EPHA5: variants seen among roughly 807,000 people sequenced by gnomAD.
EPHA5 encodes EPH receptor A5.
A neutral mutation model predicts 105.0 loss-of-function variants in EPHA5; 60 were observed. That is an observed-to-expected ratio of 0.57 (90% confidence interval 0.46 to 0.71). EPHA5 has a LOEUF of 0.71. EPHA5 is among the 30% of genes least tolerant of loss of function. The pLI is 0.00. For synonymous variants in EPHA5, 513 were observed against 449.1 expected (o/e 1.14, Z -1.80); for missense variants, 1,218 against 1,274.7 (o/e 0.96, Z 0.68).
intron 3 of EPHA5, among the ~76,000 whole-genome samples, chr4:65,591,695 A>C (rs932630621): frequency 2.0e-5 from 3 of 152,070 alleles, no homozygotes; most frequent in African/African-American, 7.2e-5. Flanking sequence ...TAAGTCATGT[A>C]AATTATTTTA....
At chr4:65,334,643 T>C (rs1720997022) in intron 15 of EPHA5, among the ~76,000 whole-genome samples, 2 of 151,968 alleles carry the variant, frequency 1.3e-5, no homozygotes, top group Admixed American at 1.3e-4. Context: ...GGAAAGGTAG[T>C]GAGTGGTACA....
At chr4:65,582,043 A>T (rs1013899531) in intron 3 of EPHA5, among the ~76,000 whole-genome samples, 2 of 151,728 alleles carry the variant, frequency 1.3e-5, no homozygotes, top group Non-Finnish European at 1.5e-5. Flanking sequence ...ACTATGAAGC[A>T]TATAGAAATG....
intron 2 of EPHA5, among the ~76,000 whole-genome samples, chr4:65,608,423 G>A (rs1032434256): frequency 2.0e-5 from 3 of 151,872 alleles, no homozygotes; most frequent in African/African-American, 7.2e-5. Context: ...AGAATGGCAT[G>A]AACCCATGAG....
chr4:65,606,399 TA>T (rs1413086224), intron 2 of EPHA5, among the ~76,000 whole-genome samples: 1 of 152,216 alleles, frequency 6.6e-6, no homozygotes, highest in Non-Finnish European at 1.5e-5. Flanking sequence ...AATAAATAGT[TA>T]AATGTTTTGT....
intron 3 of EPHA5, among the ~76,000 whole-genome samples, chr4:65,543,686 T>C (rs905966953): frequency 1.1e-4 from 17 of 151,890 alleles, no homozygotes; most frequent in African/African-American, 4.1e-4. Context: ...CTCATTCCAC[T>C]ACTGTTATTA....
At chr4:65,574,757 T>TATATATAC (rs1227799994) in intron 3 of EPHA5, among the ~76,000 whole-genome samples, 1 of 139,564 alleles carries the variant, frequency 7.2e-6, no homozygotes, top group African/African-American at 2.7e-5. Context: ...TATATATATA[T>TATATATAC]ACACAGTAAT....
intron 5 of EPHA5, among the ~76,000 whole-genome samples, chr4:65,429,261 G>C (rs1276602508): frequency 6.6e-6 from 1 of 151,880 alleles, no homozygotes; most frequent in Non-Finnish European, 1.5e-5. Flanking sequence ...CTATATTCAA[G>C]AGAATATAGT....
chr4:65,492,448 C>A (rs928508527), intron 4 of EPHA5, among the ~76,000 whole-genome samples: 1 of 151,210 alleles, frequency 6.6e-6, no homozygotes, highest in Non-Finnish European at 1.5e-5. Flanking sequence ...GTGATCCACC[C>A]GCCTGGGCCT....
chr4:65,551,099 T>A (rs962224214), intron 3 of EPHA5, among the ~76,000 whole-genome samples: 1 of 151,782 alleles, frequency 6.6e-6, no homozygotes, highest in Non-Finnish European at 1.5e-5. Context: ...CACATATATG[T>A]GTATATATGA....
chr4:65,437,104 A>G (rs1725550304), intron 5 of EPHA5, among the ~76,000 whole-genome samples: 1 of 152,122 alleles, frequency 6.6e-6, no homozygotes, highest in Admixed American at 6.6e-5. Context: ...AATTTCTAAC[A>G]GAAAAAATGA....
intron 14 of EPHA5, among the ~76,000 whole-genome samples, chr4:65,339,849 G>A (rs1721538876): frequency 1.3e-5 from 2 of 152,202 alleles, no homozygotes; most frequent in South Asian, 4.1e-4. Flanking sequence ...AAAGGGCATT[G>A]TATATGGAAG....
intron 3 of EPHA5, among the ~76,000 whole-genome samples, chr4:65,570,671 T>C (rs1740040264): frequency 3.3e-5 from 5 of 151,986 alleles, no homozygotes; most frequent in Admixed American, 2.6e-4. Context: ...AGTATAGCTA[T>C]GTATAAGTAC....
intron 6 of EPHA5, among the ~76,000 whole-genome samples, chr4:65,420,182 T>A (rs933103450): frequency 6.6e-6 from 1 of 152,170 alleles, no homozygotes; most frequent in African/African-American, 2.4e-5. Flanking sequence ...TATGACTTCA[T>A]CTTTTAATGC....
At chr4:65,562,969 C>T (rs1003157170) in intron 3 of EPHA5, among the ~76,000 whole-genome samples, 3 of 150,902 alleles carry the variant, frequency 2.0e-5, no homozygotes, top group African/African-American at 7.3e-5. Flanking sequence ...AGAGCAAGAC[C>T]CAGTCTCTTA....
intron 5 of EPHA5, among the ~76,000 whole-genome samples, chr4:65,459,297 T>A (rs1727905354): frequency 6.6e-6 from 1 of 151,924 alleles, no homozygotes; most frequent in African/African-American, 2.4e-5. Flanking sequence ...ATCTCATCAA[T>A]AACATGGAAA....
At chr4:65,352,970 C>T (rs2148859994) in intron 12 of EPHA5, 72 bp downstream of exon 12, 4 of 1,019,772 alleles carry the variant, frequency 3.9e-6, no homozygotes, top group Non-Finnish European at 5.7e-6. Flanking sequence ...AACATCACAG[C>T]ATCATCATCA....
At chr4:65,612,712 A>G (rs1330939223) in intron 2 of EPHA5, among the ~76,000 whole-genome samples, 1 of 152,066 alleles carries the variant, frequency 6.6e-6, no homozygotes, top group Non-Finnish European at 1.5e-5. Context: ...TCACTTTTTA[A>G]TAAGGTTATT....
chr4:65,374,921 A>G (rs1165975470), intron 8 of EPHA5, among the ~76,000 whole-genome samples: 1 of 151,778 alleles, frequency 6.6e-6, no homozygotes, highest in Non-Finnish European at 1.5e-5. Flanking sequence ...TATTTTACTG[A>G]CTCTCCTAGA....
intron 3 of EPHA5, among the ~76,000 whole-genome samples, chr4:65,553,428 C>A (rs1047509204): frequency 1.3e-5 from 2 of 151,832 alleles, no homozygotes; most frequent in Non-Finnish European, 2.9e-5. Context: ...TTTTTCTAAA[C>A]TTCTGTTACT....
Sources: allele counts gnomAD v4.1 joint callset (sites outside exome capture counted in the v4.1 genomes callset), GRCh38; gene constraint gnomAD v4.1.1; transcripts MANE v1.5; gene names NCBI Gene and HGNC (gene_info 2026-07-23, HGNC 2026-07-21).